PARD3B: variants seen among roughly 807,000 people sequenced by gnomAD.
PARD3B encodes partitioning defective 3 homolog B.
PARD3B carries 103 observed loss-of-function variants against 130.2 expected under a neutral mutation model. That is an observed-to-expected ratio of 0.79 (90% CI 0.67 to 0.93). The LOEUF (loss-of-function observed/expected upper bound fraction) is 0.93. PARD3B is among the 40% of genes least tolerant of loss of function. PARD3B has a pLI of 0.00. For synonymous variants in PARD3B, 583 were observed against 553.2 expected (o/e 1.05, Z -0.76); for missense variants, 1,609 against 1,499.2 (o/e 1.07, Z -1.21).
Position 205,205,733 on chromosome 2 carries a change from T to C in PARD3B, c.2140+12413T>C, listed in dbSNP as rs184089888. Among the ~76,000 whole-genome samples, 9 of 152,364 alleles carry C rather than the reference T, an allele frequency of 5.9e-5. 1 individual carries two copies. In the South Asian group the frequency reaches 6.2e-4, roughly 11 times the overall value. On this transcript the variant is annotated intron_variant, in intron 15 of 22. Transcript: ENST00000406610. The stretch of plus-strand genomic sequence containing the variant: ...TGGTTTTTGTCATTGGTTCCGTTTA[T>C]GTGAAGGATTACATTAATTGATTTG...
At chr2:205,049,344 A>G (rs1315758438) in intron 4 of PARD3B, among the ~76,000 whole-genome samples, 5 of 152,162 alleles carry the variant, frequency 3.3e-5, no homozygotes, top group African/African-American at 4.8e-5. Flanking sequence ...AGAGAAGTGC[A>G]GAGTGAAGGG....
intron 18 of PARD3B, among the ~76,000 whole-genome samples, chr2:205,387,212 A>T (rs976167772): frequency 6.6e-6 from 1 of 152,114 alleles, no homozygotes; most frequent in Admixed American, 6.6e-5. Flanking sequence ...TTAAATAATC[A>T]TTGTTTTAGA....
chr2:204,576,470 A>G (rs2032265557), intron 1 of PARD3B, among the ~76,000 whole-genome samples: 1 of 152,208 alleles, frequency 6.6e-6, no homozygotes, highest in African/African-American at 2.4e-5. Context: ...CCAGTTAAAA[A>G]TGATAACTCT....
intron 3 of PARD3B, among the ~76,000 whole-genome samples, chr2:204,987,943 A>G (rs1028775595): frequency 1.3e-5 from 2 of 152,132 alleles, no homozygotes; most frequent in African/African-American, 4.8e-5. Flanking sequence ...TGGAAGGGAA[A>G]GGGATTGTTG....
Position 205,522,216 on chromosome 2 carries a change from A to C in PARD3B, c.3180+22185A>C, listed in dbSNP as rs185466089. 9.4e-4 allele frequency among the ~76,000 whole-genome samples: 142 copies of C among 151,542 alleles called. 1 individual carries two copies. The highest frequency in any genetic ancestry group is 3.4e-3 in the Middle Eastern group (1 of 292). ...ATGAAACCTATTTTTTGAATTATTCAGCTATTTAATTTTGCTTTTGAACTT... is the reference window on the plus strand; with the variant it reads ...ATGAAACCTATTTTTTGAATTATTCCGCTATTTAATTTTGCTTTTGAACTT... On this transcript the variant is annotated intron_variant, in intron 21 of 22. Coordinates refer to ENST00000406610, the MANE Select transcript of PARD3B (RefSeq NM_001302769.2).
chr2:204,612,688 GA>G (rs2033972007), intron 1 of PARD3B, among the ~76,000 whole-genome samples: 2 of 152,016 alleles, frequency 1.3e-5, no homozygotes, highest in Non-Finnish European at 2.9e-5. Context: ...ACTGAAGTAA[GA>G]CATGTAAAAC....
intron 2 of PARD3B, among the ~76,000 whole-genome samples, chr2:204,930,781 C>T (rs1329208788): frequency 6.6e-6 from 1 of 152,124 alleles, no homozygotes; most frequent in Non-Finnish European, 1.5e-5. Context: ...CTCCTTCTTG[C>T]TTGTTCAGAC....
In PARD3B at chr2:205,440,608, G is replaced by GACC; in HGVS notation, c.2983_2985dup (p.His995dup). 1 of 1,614,022 alleles carries GACC rather than the reference G, an allele frequency of 6.2e-7. No individual in the cohort carries two copies. The highest frequency in any genetic ancestry group is 1.1e-5 in the South Asian group (1 of 91,078). ...TGGCCATCCACTGTCTCCAGAAAGAGACCACTTAGAGGGTCTCTATGCCAA... is the reference window on the plus strand; with the variant it reads ...TGGCCATCCACTGTCTCCAGAAAGAGACCACCACTTAGAGGGTCTCTATGCCAA... On this transcript the variant is annotated inframe_insertion, in exon 20 of 23. Coordinates refer to ENST00000406610, the MANE Select transcript of PARD3B (RefSeq NM_001302769.2). The surrounding 1 kb of genome is among the most constrained non-coding windows in gnomAD (Gnocchi z 4.2).
chr2:204,732,305 G>A (rs543281412), intron 2 of PARD3B, among the ~76,000 whole-genome samples: 24 of 152,230 alleles, frequency 1.6e-4, no homozygotes, highest in South Asian at 1.5e-3. Flanking sequence ...ATTGGACCTG[G>A]AGGGAGTGCT....
chr2:204,588,044 A>G (rs1471225253), intron 1 of PARD3B, among the ~76,000 whole-genome samples: 1 of 152,168 alleles, frequency 6.6e-6, no homozygotes, highest in Non-Finnish European at 1.5e-5. Flanking sequence ...GGGCTAATAC[A>G]TCCCCCTTTT....
chr2:204,833,374 T>C lies in PARD3B; in HGVS notation c.223-131778T>C, dbSNP rs927489005. On this transcript the variant is annotated intron_variant, in intron 2 of 22. Transcript: ENST00000406610. Reference sequence around the variant, plus strand: ...ACTGTTAACACAGCAGAGCCAGAACTCCCTGTAAAGACTCTGCTTCCCAGA... The same window carrying C: ...ACTGTTAACACAGCAGAGCCAGAACCCCCTGTAAAGACTCTGCTTCCCAGA... Among the ~76,000 whole-genome samples the C allele has an allele frequency of 1.6e-4, 25 of 152,216 alleles. 1 individual carries two copies. The highest frequency in any genetic ancestry group is 6.0e-4 in the African/African-American group (25 of 41,542).
intron 2 of PARD3B, among the ~76,000 whole-genome samples, chr2:204,926,431 C>T (rs925782897): frequency 1.2e-4 from 18 of 152,074 alleles, no homozygotes; most frequent in African/African-American, 4.3e-4. Context: ...AAATTGTTCT[C>T]TGAGGAAAAT....
At chr2:204,852,669 C>A (rs535758629) in intron 2 of PARD3B, among the ~76,000 whole-genome samples, 188 of 151,328 alleles carry the variant, frequency 1.2e-3, no homozygotes, top group Middle Eastern at 3.4e-3. Flanking sequence ...TTGAGACATG[C>A]AATAATTCTA....
intron 4 of PARD3B, among the ~76,000 whole-genome samples, chr2:205,055,202 T>A (rs1699557422): frequency 6.6e-6 from 1 of 152,206 alleles, no homozygotes; most frequent in African/African-American, 2.4e-5. Context: ...AATTTTCTAA[T>A]AACTGTTCAA....
rs963370256 is a variant in PARD3B at position 205,525,082 on chromosome 2, C to T, written c.3180+25051C>T. Among the ~76,000 whole-genome samples, 26 of 152,178 alleles carry T rather than the reference C, an allele frequency of 1.7e-4. No individual in the cohort carries two copies. Among genetic ancestry groups the T allele is most frequent in the African/African-American group, 6.3e-4 (26 of 41,446 alleles). ...GCAAGAACCAGGACAGTTTTATTGC[C>T]TCACAAAGGCTATTTTCTTAGCTGC... On this transcript the variant is annotated intron_variant, in intron 21 of 22. Transcript: ENST00000406610. This position sits in a 1 kb window ranked among gnomAD's most constrained non-coding sequence, Gnocchi z 4.2.
chr2:205,336,511 C>T (rs2043319523), intron 18 of PARD3B, among the ~76,000 whole-genome samples: 1 of 152,186 alleles, frequency 6.6e-6, no homozygotes, highest in Non-Finnish European at 1.5e-5. Context: ...AAGGTAATAA[C>T]TTGTTGCACA....
intron 4 of PARD3B, among the ~76,000 whole-genome samples, chr2:205,064,436 C>T (rs1186091998): frequency 6.6e-6 from 1 of 152,140 alleles, no homozygotes; most frequent in Non-Finnish European, 1.5e-5. Flanking sequence ...TTCCCATCTG[C>T]AGAGAGGAAC....
chr2:204,930,263 T>G (rs1263967110), intron 2 of PARD3B, among the ~76,000 whole-genome samples: 1 of 151,858 alleles, frequency 6.6e-6, no homozygotes, highest in African/African-American at 2.4e-5. Flanking sequence ...CCCTCAGTAT[T>G]CCCAGGGGAC....
rs539448724 is a variant in PARD3B, at chr2:205,522,483, T to C, written c.3180+22452T>C. On this transcript the variant is annotated intron_variant, in intron 21 of 22. Transcript: ENST00000406610. ...ATTTATTAAAAGTTGGCATAATATA[T>C]GGTAACTATTGTCGTTAAAAAAAAT... 2.9e-4 allele frequency among the ~76,000 whole-genome samples: 44 copies of C among 152,156 alleles called. No individual in the cohort carries two copies. In the South Asian group the frequency reaches 7.5e-3, roughly 26 times the overall value.
Sources: gnomAD v4.1 joint callset for allele counts (sites outside exome capture counted in the v4.1 genomes callset) on GRCh38, gnomAD v4.1.1 for gene constraint, Gnocchi (gnomAD v3.1) non-coding constraint, MANE v1.5 for transcripts, NCBI Gene and HGNC (gene_info 2026-07-23, HGNC 2026-07-21) for gene names.